Variants in PGM1 observed in about 807,000 individuals in gnomAD.
PGM1 encodes phosphoglucomutase 1.
PGM1 carries 52 observed loss-of-function variants against 55.6 expected under a neutral mutation model. The ratio of observed to expected loss-of-function variants is 0.94; its 90% CI spans 0.75 to 1.18. The LOEUF is 1.18. Among genes scored for constraint, PGM1 ranks in the 50% most tolerant of loss-of-function variants. The pLI, the probability that PGM1 is intolerant of heterozygous loss-of-function variation, is 0.00. For synonymous variants in PGM1, 287 were observed against 271.7 expected (o/e 1.06, Z -0.55); for missense variants, 724 against 729.3 (o/e 0.99, Z 0.08).
chr1:63,633,575 T>C (rs1649255057), intron 4 of PGM1, among the ~76,000 whole-genome samples: 1 of 152,194 alleles, frequency 6.6e-6, no homozygotes, highest in African/African-American at 2.4e-5. Flanking sequence ...CTCTCAGCAT[T>C]TCAGAGATGC....
chr1:63,651,672 T>G lies in PGM1; in HGVS notation c.1284T>G (p.Tyr428Ter). Reference protein sequence around the residue: ...QKYGRNFFTRYDYEEVEAEGA... With the variant: ...QKYGRNFFTR ...TCAACTTCGTGACTTCTTCCAGGTATGATTACGAGGAGGTGGAAGCTGAGG... is the reference window on the plus strand; with the variant it reads ...TCAACTTCGTGACTTCTTCCAGGTAGGATTACGAGGAGGTGGAAGCTGAGG... The change falls in exon 9 of 11, where the codon TAT becomes TAG. Residue 428 changes from tyrosine to a stop codon, truncating the protein, a stop_gained. Transcript: ENST00000371084. LOFTEE classifies it high-confidence loss of function. The G allele has an allele frequency of 6.2e-7, 1 of 1,613,440 alleles. No homozygotes were observed. Among genetic ancestry groups the G allele is most frequent in the Non-Finnish European group, 8.5e-7 (1 of 1,179,620 alleles).
intron 6 of PGM1, among the ~76,000 whole-genome samples, 170 bp downstream of exon 6, chr1:63,636,558 TG>T (rs1372576777): frequency 2.0e-5 from 3 of 152,204 alleles, no homozygotes; most frequent in Non-Finnish European, 4.4e-5. Flanking sequence ...CTGGATTCAA[TG>T]CCCCTCTCCG....
intron 7 of PGM1, among the ~76,000 whole-genome samples, chr1:63,647,237 C>T (rs1305957625): frequency 2.5e-5 from 3 of 119,228 alleles, no homozygotes; most frequent in East Asian, 2.5e-4. Flanking sequence ...AGCGAAACTC[C>T]GTCTCAAAAA....
chr1:63,593,989 G>A, intron 1 of PGM1: 1 of 1,172,996 alleles, frequency 8.5e-7, no homozygotes, highest in Non-Finnish European at 1.0e-6. Context: ...GTGCGGGCGC[G>A]GAGCCTCCCA....
At chr1:63,613,310 A>C (rs917417357) in intron 1 of PGM1, among the ~76,000 whole-genome samples, 3 of 118,652 alleles carry the variant, frequency 2.5e-5, no homozygotes, top group African/African-American at 3.4e-5. Flanking sequence ...TAGGGCTGCT[A>C]TCTGCTGTAA....
chr1:63,616,794 G>T (rs1648724435), intron 1 of PGM1, among the ~76,000 whole-genome samples: 1 of 152,210 alleles, frequency 6.6e-6, no homozygotes, highest in Non-Finnish European at 1.5e-5. Context: ...TCTGGCCCTT[G>T]TAATTCTTCT....
chr1:63,610,728 A>G (rs1316040596), intron 1 of PGM1, among the ~76,000 whole-genome samples: 3 of 152,246 alleles, frequency 2.0e-5, no homozygotes, highest in African/African-American at 2.4e-5. Context: ...TAAATTTCAG[A>G]ACAGAAATAT....
intron 9 of PGM1, among the ~76,000 whole-genome samples, chr1:63,652,057 G>T (rs970040059): frequency 3.3e-5 from 5 of 152,282 alleles, no homozygotes; most frequent in African/African-American, 1.2e-4. Flanking sequence ...CTTGTTCTGT[G>T]CACTGTCCAG....
At chr1:63,607,743 A>T (rs12038165) in intron 1 of PGM1, among the ~76,000 whole-genome samples, 1 of 152,062 alleles carries the variant, frequency 6.6e-6, no homozygotes, top group African/African-American at 2.4e-5. Flanking sequence ...TCTGGGAACC[A>T]TGCACGCACT....
intron 6 of PGM1, among the ~76,000 whole-genome samples, chr1:63,637,684 G>A (rs1159248634): frequency 6.6e-6 from 1 of 152,152 alleles, no homozygotes; most frequent in African/African-American, 2.4e-5. Context: ...GAAATTATGA[G>A]CTGGTTTGAG....
In PGM1 at chr1:63,593,973, C is replaced by G. The variant is rs217490; in HGVS notation, c.246+239C>G. The stretch of plus-strand genomic sequence containing the variant: ...CCTGCTCGCCTGACTCCCGGGGCGC[C>G]GGGAGGTGCGGGCGCGGAGCCTCCC... On this transcript the variant is annotated intron_variant, in intron 1 of 10. Transcript: ENST00000371084. The G allele has an allele frequency of 0.71, 841,252 of 1,182,968 alleles. 301,032 individuals are homozygous for G. Among genetic ancestry groups the G allele is most frequent in the African/African-American group, 0.88 (54,345 of 61,994 alleles). The allele number at this position is 1,182,968 out of a possible 1,614,324, so 73.3% of individuals were successfully genotyped here. A position where few individuals can be genotyped will look rare whatever the true frequency, so the allele number is the denominator to read the frequency against.
At chr1:63,655,913 G>GT (rs1410586139) in intron 10 of PGM1, 2 of 152,398 alleles carry the variant, frequency 1.3e-5, no homozygotes, top group African/African-American at 4.8e-5. Flanking sequence ...GGAACCACCA[G>GT]GTTGCATAAG....
At chr1:63,595,035 T>C (rs2100950190) in intron 1 of PGM1, among the ~76,000 whole-genome samples, 1 of 152,096 alleles carries the variant, frequency 6.6e-6, no homozygotes, top group Non-Finnish European at 1.5e-5. Flanking sequence ...GTAAAACATT[T>C]CTAAGGAGTT....
At chr1:63,608,114 A>C (rs1648471905) in intron 1 of PGM1, among the ~76,000 whole-genome samples, 1 of 147,004 alleles carries the variant, frequency 6.8e-6, no homozygotes, top group Non-Finnish European at 1.5e-5. Context: ...GTTTTGAAAG[A>C]GATAATGCTA....
intron 9 of PGM1, 31 bp downstream of exon 9, chr1:63,651,883 G>C (rs1160244571): frequency 6.3e-7 from 1 of 1,577,372 alleles, no homozygotes; most frequent in African/African-American, 1.3e-5. Flanking sequence ...AAGTGAGAGA[G>C]AGACCTCAGA....
In PGM1 at chr1:63,593,857, C is replaced by G. The variant is rs999864179; in HGVS notation, c.246+123C>G. 1.4e-5 allele frequency: 18 copies of G among 1,301,500 alleles called. No homozygotes were observed. The African/African-American group carries it at 2.7e-4, about 19-fold the overall frequency. 80.6% of individuals were successfully genotyped at this position (1,301,500 alleles called of 1,614,324 possible). On this transcript the variant is annotated intron_variant, in intron 1 of 10. Transcript: ENST00000371084. ...CGCTGCCGCCTCGGTTTCCACCTCC[C>G]GCTCCTCCCTCTCCTTCGCGCTCGC...
At chr1:63,626,317 C>G (rs1649013615) in intron 1 of PGM1, among the ~76,000 whole-genome samples, 1 of 152,150 alleles carries the variant, frequency 6.6e-6, no homozygotes, top group South Asian at 2.1e-4. Context: ...ATCTCCAGAG[C>G]CTTTTTTAAA....
At chr1:63,648,839 A>G (rs1452823200) in intron 8 of PGM1, among the ~76,000 whole-genome samples, 187 bp downstream of exon 8, 1 of 152,234 alleles carries the variant, frequency 6.6e-6, no homozygotes, top group Non-Finnish European at 1.5e-5. Flanking sequence ...GTCAGCCATA[A>G]AGAGTGAGGC....
intron 1 of PGM1, among the ~76,000 whole-genome samples, chr1:63,612,137 A>T (rs866302535): frequency 2.0e-5 from 3 of 149,606 alleles, no homozygotes; most frequent in Non-Finnish European, 4.4e-5. Flanking sequence ...CGTGCCTGTA[A>T]TCCCAGCTAC....
Sources: allele counts gnomAD v4.1 joint callset (sites outside exome capture counted in the v4.1 genomes callset), GRCh38; gene constraint gnomAD v4.1.1; transcripts MANE v1.5; gene names NCBI Gene and HGNC (gene_info 2026-07-23, HGNC 2026-07-21).